The following TMCC1 variants were observed in gnomAD, a reference collection of about 807,000 sequenced individuals.
TMCC1 encodes the protein transmembrane and coiled-coil domain family 1.
Under a neutral mutation model 52.4 loss-of-function variants are expected in TMCC1, and 15 were observed. The ratio of observed to expected loss-of-function variants is 0.29; its 90% confidence interval spans 0.19 to 0.44. The LOEUF (loss-of-function observed/expected upper bound fraction) is 0.44, where lower values mean the gene tolerates loss of function less well. Among genes scored for constraint, TMCC1 ranks in the 20% least tolerant of loss-of-function variants. TMCC1 has a pLI of 1.00. For missense variants in TMCC1, 503 were observed against 806.0 expected (o/e 0.62, Z 4.55); for synonymous variants, 279 against 301.9 (o/e 0.92, Z 0.79).
In TMCC1 at chr3:129,828,491, C is replaced by T. The variant is rs1010080850; in HGVS notation, c.-113G>A. 6.1e-6 allele frequency: 6 copies of T among 990,976 alleles called. No individual in the cohort carries two copies. Among genetic ancestry groups the T allele is most frequent in the East Asian group, 2.4e-5 (1 of 41,072 alleles). The allele number at this position is 990,976 out of a possible 1,614,324, so 61.4% of individuals were successfully genotyped here. On this transcript the variant is annotated 5_prime_UTR_variant, in exon 4 of 7. Coordinates refer to ENST00000393238, the MANE Select transcript of TMCC1 (RefSeq NM_001017395.5). The surrounding 1 kb of genome is among the most constrained non-coding windows in gnomAD (Gnocchi z 4.1). The stretch of plus-strand genomic sequence containing the variant: ...AGTGACTACGCATGCAGCTGTGAGA[C>T]GAAGGCTTCATGCCTATCTAATGTT...
intron 2 of TMCC1, among the ~76,000 whole-genome samples, chr3:129,876,241 C>T (rs2670906): frequency 0.38 from 55,578 of 146,870 alleles, 15,529 homozygotes; most frequent in African/African-American, 0.77. Context: ...TTTACAATGA[C>T]TTAAGTAAGC....
chr3:129,672,809 C>G (rs2088068872), intron 4 of TMCC1, among the ~76,000 whole-genome samples: 1 of 152,086 alleles, frequency 6.6e-6, no homozygotes, highest in Non-Finnish European at 1.5e-5. Context: ...ATTTTCATGA[C>G]AATAATGCAC....
At chr3:129,855,913 G>C (rs143914612) in intron 2 of TMCC1, among the ~76,000 whole-genome samples, 1 of 152,266 alleles carries the variant, frequency 6.6e-6, no homozygotes, top group Non-Finnish European at 1.5e-5. Flanking sequence ...TTTAGGAAAA[G>C]ACAAACATTT....
chr3:129,788,660 G>A (rs1456609329), intron 4 of TMCC1, among the ~76,000 whole-genome samples: 1 of 151,880 alleles, frequency 6.6e-6, no homozygotes, highest in Non-Finnish European at 1.5e-5. Flanking sequence ...AGTAGAGACG[G>A]GGTTTCACCG....
intron 4 of TMCC1, among the ~76,000 whole-genome samples, chr3:129,728,321 T>C (rs1396743140): frequency 6.6e-6 from 1 of 152,226 alleles, no homozygotes; most frequent in Non-Finnish European, 1.5e-5. Context: ...AGTCTTGCTC[T>C]GTCGCCTAGA....
intron 1 of TMCC1, among the ~76,000 whole-genome samples, chr3:129,887,613 CCTT>C (rs2061775207): frequency 6.6e-6 from 1 of 151,314 alleles, no homozygotes; most frequent in Admixed American, 6.6e-5. Context: ...CTCCTCCACT[CCTT>C]AACAAAATAC....
intron 4 of TMCC1, 108 bp from the exon 5 acceptor site, chr3:129,671,372 T>A: frequency 8.6e-7 from 1 of 1,163,316 alleles, no homozygotes; most frequent in Non-Finnish European, 1.2e-6. Context: ...TCTCAGTAGA[T>A]AACTGACCTA....
intron 4 of TMCC1, among the ~76,000 whole-genome samples, chr3:129,721,323 A>G (rs2049564316): frequency 6.6e-6 from 1 of 151,954 alleles, no homozygotes; most frequent in Admixed American, 6.6e-5. Flanking sequence ...AGCACTTCCA[A>G]TTCCTCTTAC....
Position 129,651,719 on chromosome 3 carries a change from T to C in TMCC1, c.1724A>G (p.Glu575Gly). The change falls in exon 7 of 7, where the codon GAA becomes GGA. Residue 575 changes from glutamate (E) to glycine (G), a missense_variant. Glu to Gly is a moderately conservative substitution (Grantham distance 98). Coordinates refer to ENST00000393238, the MANE Select transcript of TMCC1 (RefSeq NM_001017395.5). The surrounding 1 kb of genome is among the most constrained non-coding windows in gnomAD (Gnocchi z 5.1). ...CCGGGCAGTGGCATTCTCCAGCCCT[T>C]CTAGCTGCACCACCTGCTGCTGCTG... is the stretch of plus-strand genomic sequence containing the variant. Reference protein sequence around the residue: ...QQQQQQVVQLEGLENATARNL... With the variant: ...QQQQQQVVQLGGLENATARNL... 1 of 1,614,212 alleles carries C rather than the reference T, an allele frequency of 6.2e-7. No homozygotes were observed. The highest frequency in any genetic ancestry group is 8.5e-7 in the Non-Finnish European group (1 of 1,180,032).
At chr3:129,671,340 T>C in intron 4 of TMCC1, 76 bp from the exon 5 acceptor site, 1 of 1,407,408 alleles carries the variant, frequency 7.1e-7, no homozygotes, top group Non-Finnish European at 9.6e-7. Flanking sequence ...CAAAATGTAT[T>C]GGAAATGTGT....
chr3:129,891,272 A>G (rs1341371239), intron 1 of TMCC1, among the ~76,000 whole-genome samples: 1 of 152,246 alleles, frequency 6.6e-6, no homozygotes, highest in East Asian at 1.9e-4. Flanking sequence ...CATTTTCTAT[A>G]AAAGGCCAGA....
At chr3:129,743,536 G>A (rs1306116644) in intron 4 of TMCC1, among the ~76,000 whole-genome samples, 2 of 152,078 alleles carry the variant, frequency 1.3e-5, no homozygotes, top group African/African-American at 2.4e-5. Flanking sequence ...AAATCACAAA[G>A]TGACAAGATA....
intron 4 of TMCC1, among the ~76,000 whole-genome samples, chr3:129,760,634 T>G (rs1306809664): frequency 3.3e-5 from 5 of 151,794 alleles, no homozygotes; most frequent in Non-Finnish European, 5.9e-5. Flanking sequence ...CCCGCCACCA[T>G]GCCCGGCTAA....
At chr3:129,819,210 G>A (rs545639945) in intron 4 of TMCC1, among the ~76,000 whole-genome samples, 130 of 152,274 alleles carry the variant, frequency 8.5e-4, no homozygotes, top group African/African-American at 2.9e-3. Context: ...AGCCTCCTGA[G>A]TAGCTGGGAT....
At chr3:129,686,860 T>C (rs766614599) in intron 4 of TMCC1, among the ~76,000 whole-genome samples, 1 of 152,162 alleles carries the variant, frequency 6.6e-6, no homozygotes, top group Non-Finnish European at 1.5e-5. Flanking sequence ...GGAAAAGCAC[T>C]ATTACAGTAG....
chr3:129,792,187 T>C (rs1054767974), intron 4 of TMCC1, among the ~76,000 whole-genome samples: 6 of 148,086 alleles, frequency 4.1e-5, no homozygotes, highest in East Asian at 2.0e-4. Flanking sequence ...TATATATATA[T>C]ACATATATAT....
At chr3:129,832,357 G>A (rs2058960752) in intron 3 of TMCC1, among the ~76,000 whole-genome samples, 2 of 152,160 alleles carry the variant, frequency 1.3e-5, no homozygotes, top group South Asian at 4.1e-4. Context: ...AGAGGTCGAA[G>A]GAGTGAAAGG....
chr3:129,857,562 AT>A (rs979677382), intron 2 of TMCC1, among the ~76,000 whole-genome samples: 1 of 151,556 alleles, frequency 6.6e-6, no homozygotes, highest in East Asian at 1.9e-4. Context: ...TTTTTTTTTA[AT>A]ATTTTTTTTT....
intron 4 of TMCC1, among the ~76,000 whole-genome samples, chr3:129,811,275 AT>A (rs1434525540): frequency 3.1e-5 from 2 of 64,410 alleles, no homozygotes; most frequent in East Asian, 1.0e-3. Flanking sequence ...ATTATTTTTA[AT>A]TTTTTAGAGA....
Sources: gnomAD v4.1 joint callset for allele counts (sites outside exome capture counted in the v4.1 genomes callset) on GRCh38, gnomAD v4.1.1 for gene constraint, Gnocchi (gnomAD v3.1) non-coding constraint, MANE v1.5 for transcripts, NCBI Gene and HGNC (gene_info 2026-07-23, HGNC 2026-07-21) for gene names.